Variants in RAB31 observed in about 807,000 individuals in gnomAD.
RAB31 encodes RAB31, member RAS oncogene family.
A neutral mutation model predicts 25.6 loss-of-function variants in RAB31; 21 were observed. The ratio of observed to expected loss-of-function variants is 0.82; its 90% CI spans 0.58 to 1.18. RAB31 has a LOEUF of 1.18. RAB31 is among the 50% of genes most tolerant of loss of function. The pLI, the probability that RAB31 is intolerant of heterozygous loss-of-function variation, is 0.00. For missense variants in RAB31, 196 were observed against 250.1 expected, an observed-to-expected ratio of 0.78 and a Z score of 1.46; for synonymous variants, 87 against 84.0, an observed-to-expected ratio of 1.04 and a Z score of -0.20.
At chr18:9,840,037 G>A (rs1423649682) in intron 5 of RAB31, among the ~76,000 whole-genome samples, 4 of 152,192 alleles carry the variant, frequency 2.6e-5, no homozygotes, top group Non-Finnish European at 5.9e-5. Context: ...GGCCACCGCT[G>A]CTGCTTTGGG....
intron 1 of RAB31, among the ~76,000 whole-genome samples, chr18:9,757,604 C>G (rs1298121186): frequency 6.6e-6 from 1 of 152,090 alleles, no homozygotes; most frequent in African/African-American, 2.4e-5. Flanking sequence ...CACGTTGAAC[C>G]TAGGATGATC....
chr18:9,850,867 AAAAT>A (rs10569954), intron 6 of RAB31, among the ~76,000 whole-genome samples: 83,599 of 150,182 alleles, frequency 0.56, 23,249 homozygotes, highest in South Asian at 0.66. Flanking sequence ...TCCTATCTCT[AAAAT>A]AAATAAATAA....
chr18:9,745,382 A>G (rs1422731809), intron 1 of RAB31, among the ~76,000 whole-genome samples: 1 of 152,240 alleles, frequency 6.6e-6, no homozygotes, highest in Non-Finnish European at 1.5e-5. Flanking sequence ...GAAGCATAAC[A>G]TCAGTTGCTC....
At chr18:9,798,992 G>C (rs1386666974) in intron 3 of RAB31, among the ~76,000 whole-genome samples, 2 of 152,298 alleles carry the variant, frequency 1.3e-5, no homozygotes, top group East Asian at 1.9e-4. Flanking sequence ...GCTGAAGTGA[G>C]AGAATCGCTT....
intron 5 of RAB31, among the ~76,000 whole-genome samples, chr18:9,839,755 C>G (rs1377850599): frequency 1.3e-5 from 2 of 152,108 alleles, no homozygotes; most frequent in African/African-American, 4.8e-5. Context: ...GGCCCCCGAG[C>G]CTGTAACCAC....
At chr18:9,828,653 C>G (rs1220793071) in intron 5 of RAB31, among the ~76,000 whole-genome samples, 4 of 152,142 alleles carry the variant, frequency 2.6e-5, no homozygotes, top group African/African-American at 9.7e-5. Context: ...ATTTACATTG[C>G]TTTCATCTCT....
At chr18:9,735,271 G>A (rs147215165) in intron 1 of RAB31, 335 of 159,462 alleles carry the variant, frequency 2.1e-3, no homozygotes, top group South Asian at 5.9e-3. Context: ...GCCTGCCCTG[G>A]CCTCCCAAAG....
At chr18:9,821,787 A>G (rs1387349373) in intron 5 of RAB31, among the ~76,000 whole-genome samples, 2 of 152,172 alleles carry the variant, frequency 1.3e-5, no homozygotes, top group East Asian at 3.8e-4. Context: ...GAAAAGTACA[A>G]AATGTTGATG....
At chr18:9,747,417 T>C (rs1260290184) in intron 1 of RAB31, among the ~76,000 whole-genome samples, 1 of 152,186 alleles carries the variant, frequency 6.6e-6, no homozygotes, top group Admixed American at 6.5e-5. Context: ...AAAGAGGTAC[T>C]CAAATACTTG....
At chr18:9,789,288 G>A (rs958997235) in intron 2 of RAB31, among the ~76,000 whole-genome samples, 1 of 152,142 alleles carries the variant, frequency 6.6e-6, no homozygotes, top group African/African-American at 2.4e-5. Context: ...ATAGCTAGAC[G>A]GGAGGAAAAT....
At chr18:9,845,225 G>A (rs184755083) in intron 5 of RAB31, among the ~76,000 whole-genome samples, 1 of 152,290 alleles carries the variant, frequency 6.6e-6, no homozygotes, top group East Asian at 1.9e-4. Context: ...CAGAGGTTTG[G>A]TGTTTTTTAA....
At chr18:9,744,978 T>C (rs1482812013) in intron 1 of RAB31, among the ~76,000 whole-genome samples, 1 of 151,388 alleles carries the variant, frequency 6.6e-6, no homozygotes, top group Non-Finnish European at 1.5e-5. Flanking sequence ...AGAAATGAAA[T>C]AGAGAATAGA....
chr18:9,783,391 T>A (rs2068415563), intron 2 of RAB31, among the ~76,000 whole-genome samples: 1 of 152,164 alleles, frequency 6.6e-6, no homozygotes, highest in South Asian at 2.1e-4. Flanking sequence ...TTACCTGCAC[T>A]GTGGAGGGGT....
At chr18:9,825,903 C>T (rs2068647370) in intron 5 of RAB31, among the ~76,000 whole-genome samples, 1 of 152,152 alleles carries the variant, frequency 6.6e-6, no homozygotes, top group Non-Finnish European at 1.5e-5. Context: ...CACTCACGGA[C>T]ATAAAGATGG....
chr18:9,729,007 G>T (rs2068108937), intron 1 of RAB31, among the ~76,000 whole-genome samples: 1 of 151,936 alleles, frequency 6.6e-6, no homozygotes, highest in Admixed American at 6.6e-5. Context: ...ATTTTCAACT[G>T]GGTTGTTTTT....
chr18:9,762,995 C>T (rs2068297003), intron 1 of RAB31, among the ~76,000 whole-genome samples: 1 of 152,040 alleles, frequency 6.6e-6, no homozygotes, highest in African/African-American at 2.4e-5. Flanking sequence ...GGGAATCCAC[C>T]AGATAGGCCA....
chr18:9,774,625 C>A (rs2068362628), intron 1 of RAB31, among the ~76,000 whole-genome samples: 1 of 152,134 alleles, frequency 6.6e-6, no homozygotes, highest in African/African-American at 2.4e-5. Context: ...ATTTCTTAAA[C>A]CACTTTACAA....
chr18:9,801,937 A>G (rs913225539), intron 3 of RAB31, among the ~76,000 whole-genome samples: 23 of 152,236 alleles, frequency 1.5e-4, no homozygotes, highest in African/African-American at 4.8e-4. Flanking sequence ...TGAAAAGACT[A>G]TTCTTTGCCC....
intron 2 of RAB31, among the ~76,000 whole-genome samples, chr18:9,791,509 T>G (rs2068459852): frequency 6.7e-6 from 1 of 150,010 alleles, no homozygotes; most frequent in African/African-American, 2.4e-5. Flanking sequence ...GTGATTCTCC[T>G]GCCGCAGCCT....
Sources: allele counts gnomAD v4.1 joint callset (sites outside exome capture counted in the v4.1 genomes callset), GRCh38; gene constraint gnomAD v4.1.1; transcripts MANE v1.5; gene names NCBI Gene and HGNC (gene_info 2026-07-23, HGNC 2026-07-21).